CELF2: variants seen among roughly 807,000 people sequenced by gnomAD.
The protein encoded by CELF2 is CUGBP Elav-like family member 2, also known as CUG triplet repeat RNA-binding protein 2.
Under a neutral mutation model 62.6 loss-of-function variants are expected in CELF2, and 8 were observed. The ratio of observed to expected loss-of-function variants is 0.13; its 90% CI spans 0.07 to 0.23. The LOEUF (loss-of-function observed/expected upper bound fraction) is 0.23, where lower values mean the gene tolerates loss of function less well. Ranked by LOEUF, CELF2 falls within the 10% of genes least tolerant of loss-of-function variation. The pLI is 1.00. For synonymous variants in CELF2, 258 were observed against 250.0 expected (o/e 1.03, Z -0.30); for missense variants, 333 against 671.0 (o/e 0.50, Z 5.56).
the CELF2 span, among the ~76,000 whole-genome samples, chr10:10,633,889 T>C: frequency 6.6e-6 from 1 of 152,048 alleles, no homozygotes; most frequent in African/African-American, 2.4e-5. Flanking sequence ...TTTTGTCATA[T>C]ATTAAATCTT....
intron 7 of CELF2, among the ~76,000 whole-genome samples, chr10:11,272,505 C>T (rs2084201732): frequency 6.6e-6 from 1 of 152,208 alleles, no homozygotes; most frequent in Non-Finnish European, 1.5e-5. Flanking sequence ...AAAACTGAGA[C>T]ACGTGTCCAC....
At chr10:11,103,309 G>C (rs576359857) in intron 1 of CELF2, among the ~76,000 whole-genome samples, 12 of 149,948 alleles carry the variant, frequency 8.0e-5, no homozygotes, top group African/African-American at 2.7e-4. Context: ...TTTTTGCTCC[G>C]ATGCTTTCTT....
At chr10:10,705,009 C>G in the CELF2 span, among the ~76,000 whole-genome samples, 1 of 151,498 alleles carries the variant, frequency 6.6e-6, no homozygotes, top group East Asian at 1.9e-4. Flanking sequence ...GGCAACATGG[C>G]GAGACCTGGT....
chr10:11,161,818 G>A (rs772323939), intron 1 of CELF2, among the ~76,000 whole-genome samples: 1 of 152,158 alleles, frequency 6.6e-6, no homozygotes, highest in Non-Finnish European at 1.5e-5. Flanking sequence ...GAGATTTGGG[G>A]TGTCTATTCC....
chr10:10,735,869 A>C, the CELF2 span, among the ~76,000 whole-genome samples: 1 of 152,206 alleles, frequency 6.6e-6, no homozygotes, highest in Non-Finnish European at 1.5e-5. Context: ...GCAAGGGGTC[A>C]TTCTGAATGT....
chr10:10,995,391 G>C lies in CELF2; in HGVS notation c.89+75392G>C, dbSNP rs575616984. ...TTGAGCACCTATTTTTATGCTTGGT[G>C]CTTGATATTTAAGCTCAGCCCTGAA... On this transcript the variant is annotated intron_variant, in intron 2 of 13. Coordinates refer to the CELF2 transcript ENST00000636488. This position sits in a 1 kb window ranked among gnomAD's most constrained non-coding sequence, Gnocchi z 4.7. Among the ~76,000 whole-genome samples, 1 of 152,268 alleles carries C rather than the reference G, an allele frequency of 6.6e-6. No homozygotes were observed. The highest frequency in any genetic ancestry group is 2.1e-4 in the South Asian group (1 of 4,824).
intron 1 of CELF2, among the ~76,000 whole-genome samples, chr10:11,138,052 G>C (rs1236634696): frequency 6.6e-6 from 1 of 152,126 alleles, no homozygotes; most frequent in East Asian, 1.9e-4. Flanking sequence ...ATGAATTTTG[G>C]CTTGGAATAT....
At chr10:10,656,823 T>C in the CELF2 span, among the ~76,000 whole-genome samples, 2 of 147,550 alleles carry the variant, frequency 1.4e-5, 1 homozygote, top group Admixed American at 1.4e-4. Flanking sequence ...TATACATATG[T>C]AACTAACCTG....
At chr10:10,730,421 G>A in the CELF2 span, among the ~76,000 whole-genome samples, 1 of 152,104 alleles carries the variant, frequency 6.6e-6, no homozygotes, top group Non-Finnish European at 1.5e-5. Context: ...AAGTTGCAGT[G>A]AGCCAAGATC....
At chr10:10,717,193 A>G in the CELF2 span, among the ~76,000 whole-genome samples, 1 of 152,248 alleles carries the variant, frequency 6.6e-6, no homozygotes, top group African/African-American at 2.4e-5. Context: ...GACAGTCAAT[A>G]AAAGCATGAC....
chr10:10,739,274 A>T, the CELF2 span, among the ~76,000 whole-genome samples: 3 of 152,186 alleles, frequency 2.0e-5, no homozygotes, highest in South Asian at 6.2e-4. Flanking sequence ...TGCTTATTTT[A>T]TAATGTTTGA....
chr10:11,253,211 C>T (rs985860473), intron 4 of CELF2, among the ~76,000 whole-genome samples: 1 of 152,154 alleles, frequency 6.6e-6, no homozygotes, highest in African/African-American at 2.4e-5. Context: ...ATATACAGAG[C>T]GTAAATCCAT....
At chr10:10,759,916 G>T in the CELF2 span, among the ~76,000 whole-genome samples, 139 of 150,756 alleles carry the variant, frequency 9.2e-4, no homozygotes, top group Admixed American at 5.5e-3. Context: ...CTTTTTTTTT[G>T]TTTTTTGAGA....
the CELF2 span, among the ~76,000 whole-genome samples, chr10:10,740,100 T>C: frequency 1.3e-5 from 2 of 151,596 alleles, no homozygotes. Flanking sequence ...TCCTTTGCTA[T>C]GCAGAAGTTT....
At chr10:10,940,158 A>G (rs2046892760) in intron 2 of CELF2, among the ~76,000 whole-genome samples, 1 of 152,242 alleles carries the variant, frequency 6.6e-6, no homozygotes, top group Non-Finnish European at 1.5e-5. Flanking sequence ...GAGAGAGCAC[A>G]TAGCTCTATA....
At chr10:10,464,008 A>G in the CELF2 span, among the ~76,000 whole-genome samples, 1 of 151,166 alleles carries the variant, frequency 6.6e-6, no homozygotes, top group Non-Finnish European at 1.5e-5. Flanking sequence ...TGCTATTTGC[A>G]TCTTATAGAG....
intron 2 of CELF2, among the ~76,000 whole-genome samples, chr10:11,203,924 C>T (rs914678673): frequency 6.6e-6 from 1 of 152,152 alleles, no homozygotes; most frequent in African/African-American, 2.4e-5. Flanking sequence ...TCTTCTGAGG[C>T]ATTTTTATTT....
At chr10:11,153,466 A>C (rs867498045) in intron 1 of CELF2, among the ~76,000 whole-genome samples, 4 of 152,174 alleles carry the variant, frequency 2.6e-5, no homozygotes, top group Admixed American at 6.5e-5. Context: ...GATTGACAGC[A>C]TGCAAAGCCC....
At chr10:10,965,093 C>T (rs1381018739) in intron 2 of CELF2, among the ~76,000 whole-genome samples, 2 of 152,126 alleles carry the variant, frequency 1.3e-5, no homozygotes, top group African/African-American at 4.8e-5. Flanking sequence ...CTTTCCCTCT[C>T]GTTTCTCATT....
Sources: allele counts gnomAD v4.1 joint callset (sites outside exome capture counted in the v4.1 genomes callset), GRCh38; gene constraint gnomAD v4.1.1; non-coding constraint Gnocchi (gnomAD v3.1); transcripts MANE v1.5; gene names NCBI Gene and HGNC (gene_info 2026-07-23, HGNC 2026-07-21).